ZFYVE16: variants seen among roughly 807,000 people sequenced by gnomAD.
The protein encoded by ZFYVE16 is zinc finger FYVE domain-containing protein 16.
In ZFYVE16, 89 loss-of-function variants were observed where a neutral mutation model predicts 138.1. That is an observed-to-expected ratio of 0.64 (90% CI 0.54 to 0.77). The LOEUF (loss-of-function observed/expected upper bound fraction) is 0.77. Among genes scored for constraint, ZFYVE16 ranks in the 30% least tolerant of loss-of-function variants. The probability of loss-of-function intolerance (pLI) is 0.00; values close to 1 mark genes in which losing one functional copy is unlikely to be tolerated. For synonymous variants in ZFYVE16, 596 were observed against 618.3 expected, an observed-to-expected ratio of 0.96 and a Z score of 0.53; for missense variants, 1,793 against 1,786.7, an observed-to-expected ratio of 1.00 and a Z score of -0.06.
chr5:80,424,650 C>T (rs558543562), intron 1 of ZFYVE16, among the ~76,000 whole-genome samples: 59 of 152,004 alleles, frequency 3.9e-4, no homozygotes, highest in Admixed American at 9.2e-4. Flanking sequence ...TTAGTAGAGA[C>T]GGGGTTTCAC....
At position 80,437,559 on chromosome 5, in the gene ZFYVE16, T is replaced by C; in HGVS notation, c.874T>C (p.Cys292Arg). The change falls in exon 4 of 19, where the codon TGT becomes CGT. Residue 292 changes from cysteine to arginine, a missense_variant. Cys to Arg is a radical substitution (Grantham distance 180). This residue lies in a region of ZFYVE16 where 1,295 missense variants were observed against 1,204.3 expected (regional missense o/e 1.08). Transcript: ENST00000505560. ...TGTGGCAGTCATAACTGCCGCAGAA[T>C]GTTTAAAAGAAGAGGGCAAGACAAG... is the stretch of plus-strand genomic sequence containing the variant. ...VDVAVITAAECLKEEGKTSAL... is the reference protein window; with the variant it reads ...VDVAVITAAERLKEEGKTSAL... 6.2e-7 allele frequency: 1 copy of C among 1,614,096 alleles called. No individual in the cohort carries two copies. The highest frequency in any genetic ancestry group is 8.5e-7 in the Non-Finnish European group (1 of 1,179,998).
chr5:80,413,004 G>A (rs1262918229), intron 1 of ZFYVE16, among the ~76,000 whole-genome samples: 1 of 151,150 alleles, frequency 6.6e-6, no homozygotes, highest in Non-Finnish European at 1.5e-5. Context: ...GTGAGACCTT[G>A]TCTCCACAAA....
chr5:80,461,308 A>G (rs539707620), intron 15 of ZFYVE16, among the ~76,000 whole-genome samples: 29 of 152,334 alleles, frequency 1.9e-4, no homozygotes, highest in Admixed American at 8.5e-4. Context: ...TATTTTATCA[A>G]TAATTCCTGT....
At chr5:80,415,700 C>T (rs1194259424) in intron 1 of ZFYVE16, among the ~76,000 whole-genome samples, 1 of 151,980 alleles carries the variant, frequency 6.6e-6, no homozygotes, top group Non-Finnish European at 1.5e-5. Flanking sequence ...TGGAGTCTCC[C>T]TCTATCACCC....
At chr5:80,422,543 C>G (rs1413919386) in intron 1 of ZFYVE16, among the ~76,000 whole-genome samples, 1 of 152,110 alleles carries the variant, frequency 6.6e-6, no homozygotes, top group Non-Finnish European at 1.5e-5. Flanking sequence ...CAACCTCCGC[C>G]TCCCGGATTC....
At chr5:80,460,648 T>G (rs1008160041) in intron 15 of ZFYVE16, among the ~76,000 whole-genome samples, 5 of 152,226 alleles carry the variant, frequency 3.3e-5, no homozygotes, top group Admixed American at 6.5e-5. Context: ...GCATCAGATA[T>G]TGAATTTTCC....
intron 2 of ZFYVE16, among the ~76,000 whole-genome samples, chr5:80,432,721 A>G (rs951087183): frequency 3.3e-5 from 5 of 152,192 alleles, no homozygotes; most frequent in African/African-American, 7.2e-5. Context: ...ATCTACAAAA[A>G]AACTCAAACA....
In ZFYVE16 at chr5:80,482,380, A is replaced by G. The variant is rs1313540973; in HGVS notation, c.*5003A>G. 5 of 152,170 alleles carry G rather than the reference A, an allele frequency of 3.3e-5. No homozygotes were observed. Among genetic ancestry groups the G allele is most frequent in the African/African-American group, 1.2e-4 (5 of 41,440 alleles). 9.4% of individuals were successfully genotyped at this position (152,170 alleles called of 1,614,324 possible). ...AAATTATCTAGTCTGAATGACAGAG[A>G]AAAAAGTGAAAAAAATGAGAAGACC... is the stretch of plus-strand genomic sequence containing the variant. On this transcript the variant is annotated 3_prime_UTR_variant, in exon 19 of 19. Transcript: ENST00000505560.
chr5:80,440,830 T>G, intron 5 of ZFYVE16: 1 of 985,346 alleles, frequency 1.0e-6, no homozygotes, highest in Non-Finnish European at 1.2e-6. Context: ...GTGCACTAGC[T>G]CAGGCACTGC....
At chr5:80,440,343 CA>C in intron 5 of ZFYVE16, 1 of 1,026,288 alleles carries the variant, frequency 9.7e-7, no homozygotes, top group Non-Finnish European at 1.2e-6. Flanking sequence ...TCATGTTAAT[CA>C]TCTTAATCTA....
chr5:80,435,108 C>G (rs1229369488), intron 3 of ZFYVE16, among the ~76,000 whole-genome samples: 1 of 152,188 alleles, frequency 6.6e-6, no homozygotes, highest in Non-Finnish European at 1.5e-5. Context: ...GATCTCGGCT[C>G]ACTGCAACTT....
At chr5:80,450,896 C>T (rs1413642047) in intron 10 of ZFYVE16, among the ~76,000 whole-genome samples, 3 of 148,458 alleles carry the variant, frequency 2.0e-5, no homozygotes, top group Non-Finnish European at 4.4e-5. Context: ...ACTGCAACCT[C>T]TGCTTCCCGG....
intron 18 of ZFYVE16, among the ~76,000 whole-genome samples, chr5:80,475,503 C>T (rs934858271): frequency 2.6e-5 from 4 of 152,150 alleles, no homozygotes; most frequent in Admixed American, 2.6e-4. Flanking sequence ...TCATACTTTT[C>T]TTTATCCTCC....
chr5:80,429,271 A>G (rs1444405690), intron 2 of ZFYVE16, among the ~76,000 whole-genome samples: 2 of 152,262 alleles, frequency 1.3e-5, no homozygotes, highest in Non-Finnish European at 2.9e-5. Context: ...CAGAAACTCT[A>G]CAAGCCAGGA....
chr5:80,440,410 C>T lies in ZFYVE16; in HGVS notation c.2419+378C>T, dbSNP rs535827394. The T allele has an allele frequency of 8.1e-6, 8 of 987,868 alleles. No individual in the cohort carries two copies. In the South Asian group the frequency reaches 2.8e-4, roughly 35 times the overall value. The allele number at this position is 987,868 out of a possible 1,614,324, so 61.2% of individuals were successfully genotyped here. On this transcript the variant is annotated intron_variant, in intron 5 of 18. Coordinates refer to ENST00000505560, the MANE Select transcript of ZFYVE16 (RefSeq NM_001284236.3). Reference sequence around the variant, plus strand: ...AGTACTCAATATTATGTATTAATAGCACAGGGCAAGATAATAGTTCACACC... The same window carrying T: ...AGTACTCAATATTATGTATTAATAGTACAGGGCAAGATAATAGTTCACACC...
intron 18 of ZFYVE16, 67 bp downstream of exon 18, chr5:80,474,897 C>A: frequency 6.6e-7 from 1 of 1,518,658 alleles, no homozygotes; most frequent in South Asian, 1.3e-5. Context: ...TTTTCTTCAA[C>A]CTTTTATTTT....
chr5:80,471,988 A>G (rs1481260799), intron 15 of ZFYVE16, among the ~76,000 whole-genome samples: 1 of 152,100 alleles, frequency 6.6e-6, no homozygotes, highest in Non-Finnish European at 1.5e-5. Flanking sequence ...AGGTGTTAAT[A>G]AAGTCTCTTC....
chr5:80,459,408 G>A lies in ZFYVE16; in HGVS notation c.3944-6G>A, dbSNP rs1371422599. The A allele has an allele frequency of 6.2e-7, 1 of 1,608,672 alleles. No individual in the cohort carries two copies. Among genetic ancestry groups the A allele is most frequent in the South Asian group, 1.1e-5 (1 of 89,406 alleles). ...AAAACAAATAATTGTTGTATTTCTT[G>A]ATCAGTGACAGGTGCAAGTTTTGTG... On this transcript the variant is annotated splice_polypyrimidine_tract_variant and splice_region_variant and intron_variant, in intron 14 of 18. Transcript: ENST00000505560.
chr5:80,432,507 A>G (rs561727704), intron 2 of ZFYVE16, among the ~76,000 whole-genome samples: 116 of 152,312 alleles, frequency 7.6e-4, no homozygotes, highest in Middle Eastern at 6.8e-3. Context: ...AGGCAATACC[A>G]TTCAGGACAT....
Sources: allele counts gnomAD v4.1 joint callset (sites outside exome capture counted in the v4.1 genomes callset), GRCh38; gene constraint gnomAD v4.1.1; regional missense constraint gnomAD v4.1.1; transcripts MANE v1.5; gene names NCBI Gene and HGNC (gene_info 2026-07-23, HGNC 2026-07-21).